MANEA: variants seen among roughly 807,000 people sequenced by gnomAD.
The protein encoded by MANEA is mannosidase endo-alpha.
A neutral mutation model predicts 36.8 loss-of-function variants in MANEA; 25 were observed. That is an observed-to-expected ratio of 0.68 (90% CI 0.50 to 0.95). The LOEUF is 0.95. Ranked by LOEUF, MANEA falls within the 40% of genes least tolerant of loss-of-function variation. The pLI is 0.00. For synonymous variants in MANEA, 198 were observed against 188.5 expected, an observed-to-expected ratio of 1.05 and a Z score of -0.41; for missense variants, 565 against 558.8, an observed-to-expected ratio of 1.01 and a Z score of -0.11.
At chr6:95,603,282 A>G (rs1460726349) in intron 3 of MANEA, among the ~76,000 whole-genome samples, 1 of 152,024 alleles carries the variant, frequency 6.6e-6, no homozygotes, top group Non-Finnish European at 1.5e-5. Flanking sequence ...ATGGAAATTT[A>G]GAAAACACAG....
rs1769756646 is a variant in MANEA at position 95,608,405 on chromosome 6, G to A, written c.*2000G>A. 1 of 151,704 alleles carries A rather than the reference G, an allele frequency of 6.6e-6. No homozygotes were observed. Among genetic ancestry groups the A allele is most frequent in the Admixed American group, 6.6e-5 (1 of 15,242 alleles). The allele number at this position is 151,704 out of a possible 1,614,324, so 9.4% of individuals were successfully genotyped here. A position where few individuals can be genotyped will look rare whatever the true frequency, so the allele number is the denominator to read the frequency against. On this transcript the variant is annotated 3_prime_UTR_variant, in exon 5 of 5. Coordinates refer to ENST00000358812, the MANE Select transcript of MANEA (RefSeq NM_024641.4). Reference sequence around the variant, plus strand: ...ATTAAGGGAAAATCTATAAAAACAAGGTTAGCATATTCTCAACACAGATAC... The same window carrying A: ...ATTAAGGGAAAATCTATAAAAACAAAGTTAGCATATTCTCAACACAGATAC...
intron 2 of MANEA, among the ~76,000 whole-genome samples, chr6:95,590,963 ACT>A (rs1229570936): frequency 1.3e-5 from 2 of 152,008 alleles, no homozygotes; most frequent in African/African-American, 4.8e-5. Context: ...TGAGTCCCTC[ACT>A]CTCTCTCTTT....
At position 95,606,943 on chromosome 6, in the gene MANEA, CTG is replaced by C. The variant is rs1484355649; in HGVS notation, c.*540_*541del. The C allele has an allele frequency of 1.3e-5, 2 of 152,190 alleles. No homozygotes were observed. The highest frequency in any genetic ancestry group is 2.9e-5 in the Non-Finnish European group (2 of 67,990). The allele number at this position is 152,190 out of a possible 1,614,324, so 9.4% of individuals were successfully genotyped here. Reference sequence around the variant, plus strand: ...GAAATTCTTAAGAATAACAAAATCACTGTACCTTCCTCTCAATTTTGCTGTGA... The same window carrying C: ...GAAATTCTTAAGAATAACAAAATCACTACCTTCCTCTCAATTTTGCTGTGA... On this transcript the variant is annotated 3_prime_UTR_variant, in exon 5 of 5. Transcript: ENST00000358812.
chr6:95,597,032 A>T (rs1474522433), intron 3 of MANEA, among the ~76,000 whole-genome samples, 186 bp downstream of exon 3: 4 of 151,938 alleles, frequency 2.6e-5, no homozygotes, highest in African/African-American at 9.7e-5. Context: ...TATTTTAGAG[A>T]TTCTTTACTA....
rs1432870654 is a variant in MANEA at position 95,609,109 on chromosome 6, A to G, written c.*2704A>G. ...ACACAGTTTAAATTGTTATGATAAC[A>G]AGTAAATAAGAGCAAAGAATGTATT... is the stretch of plus-strand genomic sequence containing the variant. On this transcript the variant is annotated 3_prime_UTR_variant, in exon 5 of 5. Coordinates refer to ENST00000358812, the MANE Select transcript of MANEA (RefSeq NM_024641.4). The G allele has an allele frequency of 6.6e-6, 1 of 151,738 alleles. No homozygotes were observed. The highest frequency in any genetic ancestry group is 2.1e-4 in the South Asian group (1 of 4,834). 9.4% of individuals were successfully genotyped at this position (151,738 alleles called of 1,614,324 possible). A position where few individuals can be genotyped will look rare whatever the true frequency, so the allele number is the denominator to read the frequency against.
chr6:95,578,492 A>C (rs1170912425), intron 1 of MANEA, among the ~76,000 whole-genome samples: 1 of 152,194 alleles, frequency 6.6e-6, no homozygotes, highest in Non-Finnish European at 1.5e-5. Flanking sequence ...TGAAACAAAA[A>C]TATAAAGTAA....
rs183415693 is a variant in MANEA at position 95,608,930 on chromosome 6, C to T, written c.*2525C>T. ...GTCTGTACATCTTCAGAGTTTCAGT[C>T]GGCAATTTCTTGGCCATGGATGTAG... On this transcript the variant is annotated 3_prime_UTR_variant, in exon 5 of 5. Coordinates refer to ENST00000358812, the MANE Select transcript of MANEA (RefSeq NM_024641.4). 2.2e-3 allele frequency: 336 copies of T among 151,864 alleles called. 1 individual carries two copies. Among genetic ancestry groups the T allele is most frequent in the African/African-American group, 7.3e-3 (303 of 41,506 alleles). 9.4% of individuals were successfully genotyped at this position (151,864 alleles called of 1,614,324 possible).
chr6:95,582,889 G>A (rs1307145965), intron 1 of MANEA, among the ~76,000 whole-genome samples: 1 of 152,152 alleles, frequency 6.6e-6, no homozygotes, highest in Non-Finnish European at 1.5e-5. Context: ...GGTTCCTCGT[G>A]ATTAGATCTG....
In MANEA at chr6:95,596,812, C is replaced by G. The variant is rs1769491898; in HGVS notation, c.620C>G (p.Thr207Ser). ...GAACCTACTGATAACTTGGTACCCA[C>G]TATTTTGGATAAAGCTCATAAATAT... is the stretch of plus-strand genomic sequence containing the variant. ...NGEPTDNLVP[T>S]ILDKAHKYNL... Residue 207 changes from threonine (T) to serine (S), a missense_variant, in exon 3 of 5, where the codon ACT becomes AGT. Coordinates refer to ENST00000358812, the MANE Select transcript of MANEA (RefSeq NM_024641.4). 1 of 1,599,080 alleles carries G rather than the reference C, an allele frequency of 6.3e-7. No homozygotes were observed. Among genetic ancestry groups the G allele is most frequent in the African/African-American group, 1.3e-5 (1 of 74,554 alleles).
chr6:95,602,808 C>G (rs1769617758), intron 3 of MANEA, among the ~76,000 whole-genome samples: 1 of 150,834 alleles, frequency 6.6e-6, no homozygotes, highest in African/African-American at 2.4e-5. Flanking sequence ...ATCATGAGGT[C>G]AGGAGATCGA....
chr6:95,579,665 A>G (rs1232142295), intron 1 of MANEA, among the ~76,000 whole-genome samples: 1 of 152,196 alleles, frequency 6.6e-6, no homozygotes, highest in African/African-American at 2.4e-5. Context: ...GTTACATGAT[A>G]AAAGCAAATA....
rs371073928 is a variant in MANEA at position 95,593,732 on chromosome 6, G to C, written c.545-3005G>C. On this transcript the variant is annotated intron_variant, in intron 2 of 4. Transcript: ENST00000358812. ...TGAGGAAGAGAGTAAAGAAATGGTG[G>C]AATGGAGATGATAGTATAAAGATGG... Among the ~76,000 whole-genome samples the C allele has an allele frequency of 1.2e-4, 19 of 152,120 alleles. No homozygotes were observed. The South Asian group carries it at 2.3e-3, about 18-fold the overall frequency.
At position 95,606,194 on chromosome 6, in the gene MANEA, G is replaced by A. The variant is rs776851480; in HGVS notation, c.1178G>A (p.Arg393His). 5.6e-6 allele frequency: 9 copies of A among 1,613,966 alleles called. No individual in the cohort carries two copies. Among genetic ancestry groups the A allele is most frequent in the South Asian group, 1.1e-5 (1 of 91,074 alleles). The change falls in exon 5 of 5, where the codon CGC (arginine) becomes CAC (histidine). Residue 393 changes from arginine to histidine, a missense_variant. Coordinates refer to ENST00000358812, the MANE Select transcript of MANEA (RefSeq NM_024641.4). ...GGTCTGAGTGCCGCACTTCAGACAC[G>A]CCCCAGCTTAATTTCTATCACCTCT... ...EIGLSAALQT[R>H]PSLISITSFN...
chr6:95,599,528 T>A (rs996117166), intron 3 of MANEA, among the ~76,000 whole-genome samples: 3 of 152,214 alleles, frequency 2.0e-5, no homozygotes, highest in African/African-American at 7.2e-5. Flanking sequence ...TTCTTGCAGT[T>A]ATATTCTAAT....
chr6:95,587,032 T>C, intron 2 of MANEA, 49 bp downstream of exon 2: 1 of 1,081,002 alleles, frequency 9.3e-7, no homozygotes, highest in East Asian at 2.5e-5. Context: ...TATATATGCA[T>C]ATAAATGATT....
rs1279447576 is a variant in MANEA, at chr6:95,606,910, A to G, written c.*505A>G. On this transcript the variant is annotated 3_prime_UTR_variant, in exon 5 of 5. Transcript: ENST00000358812. ...TATTTAGACTCTGGATAACTCTACA[A>G]TAATGAGGAAATTCTTAAGAATAAC... is the stretch of plus-strand genomic sequence containing the variant. 1 of 152,176 alleles carries G rather than the reference A, an allele frequency of 6.6e-6. No individual in the cohort carries two copies. The highest frequency in any genetic ancestry group is 1.5e-5 in the Non-Finnish European group (1 of 68,030). 9.4% of individuals were successfully genotyped at this position (152,176 alleles called of 1,614,324 possible). A position where few individuals can be genotyped will look rare whatever the true frequency, so the allele number is the denominator to read the frequency against.
At chr6:95,604,724 A>C (rs1769667013) in intron 3 of MANEA, 103 bp from the exon 4 acceptor site, 2 of 500,218 alleles carry the variant, frequency 4.0e-6, no homozygotes, top group South Asian at 7.1e-5. Context: ...TTCATCTTTA[A>C]TTAAGGTGAT....
Position 95,606,596 on chromosome 6 carries a change from G to A in MANEA, c.*191G>A, listed in dbSNP as rs1016288875. On this transcript the variant is annotated 3_prime_UTR_variant, in exon 5 of 5. Coordinates refer to ENST00000358812, the MANE Select transcript of MANEA (RefSeq NM_024641.4). Reference sequence around the variant, plus strand: ...CAATACCACATGAGAAAATATCTGAGACAAAATGTATACAAATATATTCCT... The same window carrying A: ...CAATACCACATGAGAAAATATCTGAAACAAAATGTATACAAATATATTCCT... 1.2e-5 allele frequency: 4 copies of A among 320,636 alleles called. No individual in the cohort carries two copies. The highest frequency in any genetic ancestry group is 1.2e-4 in the South Asian group (1 of 8,072). 19.9% of individuals were successfully genotyped at this position (320,636 alleles called of 1,614,324 possible). A position where few individuals can be genotyped will look rare whatever the true frequency, so the allele number is the denominator to read the frequency against.
chr6:95,601,676 A>G (rs1769593207), intron 3 of MANEA, among the ~76,000 whole-genome samples: 1 of 148,668 alleles, frequency 6.7e-6, no homozygotes, highest in South Asian at 2.1e-4. Context: ...ACTGAATTAA[A>G]TCATTCATCT....
Sources: allele counts gnomAD v4.1 joint callset (sites outside exome capture counted in the v4.1 genomes callset), GRCh38; gene constraint gnomAD v4.1.1; transcripts MANE v1.5; gene names NCBI Gene and HGNC (gene_info 2026-07-23, HGNC 2026-07-21).